The following ZNF549 variants were observed in gnomAD, a reference collection of about 807,000 sequenced individuals.
ZNF549 encodes the protein zinc finger protein 549.
In ZNF549, 11 loss-of-function variants were observed where a neutral mutation model predicts 11.1. That is an observed-to-expected ratio of 0.99 (90% CI 0.62 to 1.64). ZNF549 has a LOEUF of 1.64. ZNF549 is among the 40% of genes most tolerant of loss of function. The probability of loss-of-function intolerance (pLI) is 0.00; values close to 1 mark genes in which losing one functional copy is unlikely to be tolerated. For synonymous variants in ZNF549, 266 were observed against 269.1 expected (o/e 0.99, Z 0.11); for missense variants, 748 against 765.1 (o/e 0.98, Z 0.26).
rs746624468 is a variant in ZNF549 at position 57,537,702 on chromosome 19, A to G, written c.698A>G (p.His233Arg). Reference sequence around the variant, plus strand: ...GAGCAAGTTTTCAATGAGAAAGTTCATGTTACTGAGCATCAGAGAGTCCAC... The same window carrying G: ...GAGCAAGTTTTCAATGAGAAAGTTCGTGTTACTGAGCATCAGAGAGTCCAC... ...KCEQVFNEKV[H>R]VTEHQRVHTG... The change falls in exon 4 of 4, where the codon CAT (histidine) becomes CGT (arginine). Residue 233 changes from histidine (H) to arginine (R), a missense_variant. Physicochemically the swap from His to Arg is conservative, Grantham distance 29 (BLOSUM62 0). Transcript: ENST00000376233. 1 of 1,614,060 alleles carries G rather than the reference A, an allele frequency of 6.2e-7. No individual in the cohort carries two copies. Among genetic ancestry groups the G allele is most frequent in the African/African-American group, 1.3e-5 (1 of 74,938 alleles).
In ZNF549 at chr19:57,538,424, G is replaced by A. The variant is rs144511590; in HGVS notation, c.1420G>A (p.Glu474Lys). 4 of 1,614,042 alleles carry A rather than the reference G, an allele frequency of 2.5e-6. No homozygotes were observed. In the African/African-American group the frequency reaches 5.3e-5, roughly 22 times the overall value. Residue 474 changes from glutamate to lysine, a missense_variant, in exon 4 of 4, where the codon GAA (glutamate) becomes AAA (lysine). Physicochemically the swap from Glu to Lys is moderately conservative, Grantham distance 56. Coordinates refer to ENST00000376233, the MANE Select transcript of ZNF549 (RefSeq NM_001199295.2). ...AATTCACACTGGAGAAAGGGCTTATGAATGCAGTGACTGTGGGAAAGCCTT... is the reference window on the plus strand; with the variant it reads ...AATTCACACTGGAGAAAGGGCTTATAAATGCAGTGACTGTGGGAAAGCCTT... The part of the protein sequence containing the change: ...QRIHTGERAY[E>K]CSDCGKAFIS...
At position 57,537,552 on chromosome 19, in the gene ZNF549, C is replaced by T. The variant is rs2089931227; in HGVS notation, c.548C>T (p.Pro183Leu). Reference protein sequence around the residue: ...CKIPLSDNLFPCKDVEKDFPT... With the variant: ...CKIPLSDNLFLCKDVEKDFPT... ...ATTCCTCTGTCAGACAATCTTTTCC[C>T]ATGCAAAGATGTTGAGAAGGATTTT... is the stretch of plus-strand genomic sequence containing the variant. Residue 183 changes from proline (P) to leucine (L), a missense_variant, in exon 4 of 4, where the codon CCA becomes CTA. Pro to Leu is a moderately conservative substitution (Grantham distance 98). Transcript: ENST00000376233. The T allele has an allele frequency of 6.2e-7, 1 of 1,614,076 alleles. No individual in the cohort carries two copies. Among genetic ancestry groups the T allele is most frequent in the African/African-American group, 1.3e-5 (1 of 74,914 alleles).
Position 57,538,630 on chromosome 19 carries a change from AAG to A in ZNF549, c.1628_1629del (p.Arg543ThrfsTer3). On this transcript the variant is annotated frameshift_variant, in exon 4 of 4. Coordinates refer to ENST00000376233, the MANE Select transcript of ZNF549 (RefSeq NM_001199295.2). LOFTEE classifies it low-confidence loss of function (END_TRUNC). ...ECGKVFSHQK[R>X]LLEHQKVHTG... Reference sequence around the variant, plus strand: ...GTGGAAAAGTCTTCAGCCACCAAAAAAGACTTCTTGAGCACCAGAAAGTTCAC... The same window carrying A: ...GTGGAAAAGTCTTCAGCCACCAAAAAACTTCTTGAGCACCAGAAAGTTCAC... The A allele has an allele frequency of 6.2e-7, 1 of 1,614,198 alleles. No individual in the cohort carries two copies. The highest frequency in any genetic ancestry group is 8.5e-7 in the Non-Finnish European group (1 of 1,180,040).
Position 57,538,481 on chromosome 19 carries a change from A to G in ZNF549, c.1477A>G (p.Lys493Glu). Residue 493 changes from lysine to glutamate, a missense_variant, in exon 4 of 4, where the codon AAA (lysine) becomes GAA (glutamate). Transcript: ENST00000376233. The stretch of plus-strand genomic sequence containing the variant: ...CAAACAAACACTTCTTAAGCATCAC[A>G]AAATCCACACTAGAGAAAGGCCTTA... ...ISKQTLLKHH[K>E]IHTRERPYEC... 1 of 1,614,210 alleles carries G rather than the reference A, an allele frequency of 6.2e-7. No homozygotes were observed. The highest frequency in any genetic ancestry group is 8.5e-7 in the Non-Finnish European group (1 of 1,180,032).
At chr19:57,535,047 G>T in intron 2 of ZNF549, 97 bp from the exon 3 acceptor site, 1 of 1,498,986 alleles carries the variant, frequency 6.7e-7, no homozygotes, top group Non-Finnish European at 9.0e-7. Flanking sequence ...TAAGGACCTG[G>T]TATCTCCTCT....
In ZNF549 at chr19:57,537,634, A is replaced by C. The variant is rs61736502; in HGVS notation, c.630A>C (p.Ala210=). ...HQTTHSRQEY[A]HRSRETFQQR... ...CCACCCACAGCAGACAAGAGTATGCACATAGAAGCAGGGAGACCTTTCAAC... is the reference window on the plus strand; with the variant it reads ...CCACCCACAGCAGACAAGAGTATGCCCATAGAAGCAGGGAGACCTTTCAAC... Residue 210 remains alanine, a synonymous_variant, in exon 4 of 4, where the codon GCA becomes GCC. Coordinates refer to ENST00000376233, the MANE Select transcript of ZNF549 (RefSeq NM_001199295.2). 1.4e-4 allele frequency: 226 copies of C among 1,614,232 alleles called. No homozygotes were observed. In the East Asian group the frequency reaches 3.2e-3, roughly 23 times the overall value.
At chr19:57,528,649 G>A (rs1453655594) in intron 1 of ZNF549, among the ~76,000 whole-genome samples, 1 of 152,136 alleles carries the variant, frequency 6.6e-6, no homozygotes, top group Non-Finnish European at 1.5e-5. Context: ...TGGATTTGAG[G>A]GTGGGACACT....
chr19:57,527,772 C>T (rs778506418), intron 1 of ZNF549, among the ~76,000 whole-genome samples, 166 bp downstream of exon 1: 2 of 152,100 alleles, frequency 1.3e-5, no homozygotes, highest in Admixed American at 1.3e-4. Flanking sequence ...GCGTTGCGTA[C>T]CGTGGGGGCT....
At chr19:57,531,151 A>G in intron 2 of ZNF549, 43 bp downstream of exon 2, 1 of 1,591,652 alleles carries the variant, frequency 6.3e-7, no homozygotes, top group Non-Finnish European at 8.5e-7. Context: ...CCTGTTCCCT[A>G]AAGCCATGGG....
chr19:57,531,401 C>G (rs1246715713), intron 2 of ZNF549, among the ~76,000 whole-genome samples: 1 of 152,244 alleles, frequency 6.6e-6, no homozygotes, highest in Non-Finnish European at 1.5e-5. Context: ...CAAGTCTGTG[C>G]ACTGTGGCCA....
chr19:57,538,618 C>A lies in ZNF549; in HGVS notation c.1614C>A (p.Phe538Leu). ...LCECNECGKV[F>L]SHQKRLLEHQ... ...AGTGCAATGAATGTGGAAAAGTCTT[C>A]AGCCACCAAAAAAGACTTCTTGAGC... Residue 538 changes from phenylalanine (F) to leucine (L), a missense_variant, in exon 4 of 4, where the codon TTC becomes TTA. By Grantham distance (22) the Phe-to-Leu change is conservative. Coordinates refer to ENST00000376233, the MANE Select transcript of ZNF549 (RefSeq NM_001199295.2). 6.2e-7 allele frequency: 1 copy of A among 1,614,174 alleles called. No homozygotes were observed. Among genetic ancestry groups the A allele is most frequent in the Non-Finnish European group, 8.5e-7 (1 of 1,180,030 alleles).
At position 57,538,324 on chromosome 19, in the gene ZNF549, T is replaced by C. The variant is rs1390529577; in HGVS notation, c.1320T>C (p.Thr440=). 1 of 1,614,044 alleles carries C rather than the reference T, an allele frequency of 6.2e-7. No homozygotes were observed. Among genetic ancestry groups the C allele is most frequent in the Admixed American group, 1.7e-5 (1 of 60,020 alleles). Reference sequence around the variant, plus strand: ...TTCTTGAGCACCAGAGAATTCATACTGGAGAAAAGCCTTATGTGTGCATCA... The same window carrying C: ...TTCTTGAGCACCAGAGAATTCATACCGGAGAAAAGCCTTATGTGTGCATCA... The part of the protein sequence containing the change: ...KRLLEHQRIH[T]GEKPYVCIIC... The change falls in exon 4 of 4, where the codon ACT becomes ACC. Residue 440 remains threonine, a synonymous_variant. Coordinates refer to ENST00000376233, the MANE Select transcript of ZNF549 (RefSeq NM_001199295.2).
intron 2 of ZNF549, among the ~76,000 whole-genome samples, chr19:57,533,633 C>T (rs911489795): frequency 1.3e-5 from 2 of 152,160 alleles, no homozygotes; most frequent in African/African-American, 4.8e-5. Flanking sequence ...TTTCAGCTCA[C>T]AGAATTGTCC....
At position 57,538,654 on chromosome 19, in the gene ZNF549, T is replaced by A; in HGVS notation, c.1650T>A (p.Val550=). 1 of 1,614,204 alleles carries A rather than the reference T, an allele frequency of 6.2e-7. No homozygotes were observed. The change falls in exon 4 of 4, where the codon GTT becomes GTA. Residue 550 remains valine, a synonymous_variant. Transcript: ENST00000376233. The stretch of plus-strand genomic sequence containing the variant: ...AAAGACTTCTTGAGCACCAGAAAGT[T>A]CACACTGGCGAAAAGCCCTGTGAGT... ...HQKRLLEHQK[V]HTGEKPCECS... is the part of the protein sequence containing the mutation.
In ZNF549 at chr19:57,538,713, C is replaced by G. The variant is rs756138167; in HGVS notation, c.1709C>G (p.Thr570Ser). 1 of 1,614,132 alleles carries G rather than the reference C, an allele frequency of 6.2e-7. No homozygotes were observed. Among genetic ancestry groups the G allele is most frequent in the Non-Finnish European group, 8.5e-7 (1 of 1,179,994 alleles). Residue 570 changes from threonine (T) to serine (S), a missense_variant, in exon 4 of 4, where the codon ACC becomes AGC. By Grantham distance (58) the Thr-to-Ser change is moderately conservative (BLOSUM62 1). Coordinates refer to ENST00000376233, the MANE Select transcript of ZNF549 (RefSeq NM_001199295.2). ...TGTGGGAAATGCTTTAGACACCGCACCAGCCTCATTCAACACCAGAAAGTT... is the reference window on the plus strand; with the variant it reads ...TGTGGGAAATGCTTTAGACACCGCAGCAGCCTCATTCAACACCAGAAAGTT... ...SECGKCFRHRTSLIQHQKVHS... is the reference protein window; with the variant it reads ...SECGKCFRHRSSLIQHQKVHS...
At chr19:57,532,088 C>T (rs576627737) in intron 2 of ZNF549, among the ~76,000 whole-genome samples, 1 of 152,224 alleles carries the variant, frequency 6.6e-6, no homozygotes, top group South Asian at 2.1e-4. Flanking sequence ...TTCTTTGTTC[C>T]ATGCGTTGTC....
In ZNF549 at chr19:57,538,268, T is replaced by C; in HGVS notation, c.1264T>C (p.Cys422Arg). 6.2e-7 allele frequency: 1 copy of C among 1,613,790 alleles called. No individual in the cohort carries two copies. The highest frequency in any genetic ancestry group is 8.5e-7 in the Non-Finnish European group (1 of 1,179,962). The change falls in exon 4 of 4, where the codon TGT becomes CGT. Residue 422 changes from cysteine (C) to arginine (R), a missense_variant. Cys to Arg is a radical substitution (Grantham distance 180). Transcript: ENST00000376233. ...TGERPYECKE[C>R]GKAFIHKKRL... ...AGAAAGGCCTTATGAGTGCAAAGAA[T>C]GTGGGAAGGCCTTCATTCACAAAAA...
In ZNF549 at chr19:57,538,136, C is replaced by T. The variant is rs753066253; in HGVS notation, c.1132C>T (p.Arg378Ter). ...KSFIHSYDRI[R>*]HQRVHTGEGA... The stretch of plus-strand genomic sequence containing the variant: ...TTTTATTCATTCCTATGACCGCATT[C>T]GACACCAGAGAGTTCACACTGGAGA... The change falls in exon 4 of 4, where the codon CGA becomes TGA. Residue 378 changes from arginine (R) to a stop codon, truncating the protein, a stop_gained. Transcript: ENST00000376233. LOFTEE classifies it low-confidence loss of function (END_TRUNC). 38 of 1,613,948 alleles carry T rather than the reference C, an allele frequency of 2.4e-5. No homozygotes were observed. The highest frequency in any genetic ancestry group is 1.5e-4 in the Admixed American group (9 of 59,994).
rs763010298 is a variant in ZNF549, at chr19:57,537,639, G to A, written c.635G>A (p.Arg212Lys). Residue 212 changes from arginine (R) to lysine (K), a missense_variant, in exon 4 of 4, where the codon AGA becomes AAA. Coordinates refer to ENST00000376233, the MANE Select transcript of ZNF549 (RefSeq NM_001199295.2). ...TTHSRQEYAH[R>K]SRETFQQRRY... is the part of the protein sequence containing the mutation. ...CACAGCAGACAAGAGTATGCACATAGAAGCAGGGAGACCTTTCAACAAAGA... is the reference window on the plus strand; with the variant it reads ...CACAGCAGACAAGAGTATGCACATAAAAGCAGGGAGACCTTTCAACAAAGA... 6.2e-7 allele frequency: 1 copy of A among 1,614,194 alleles called. No homozygotes were observed. The highest frequency in any genetic ancestry group is 1.1e-5 in the South Asian group (1 of 91,086).
Sources: allele counts gnomAD v4.1 joint callset (sites outside exome capture counted in the v4.1 genomes callset), GRCh38; gene constraint gnomAD v4.1.1; transcripts MANE v1.5; gene names NCBI Gene and HGNC (gene_info 2026-07-23, HGNC 2026-07-21).